GPHN: variants seen among roughly 807,000 people sequenced by gnomAD.
GPHN encodes gephyrin.
A neutral mutation model predicts 95.5 loss-of-function variants in GPHN; 17 were observed. The ratio of observed to expected loss-of-function variants is 0.18; its 90% CI spans 0.12 to 0.27. The LOEUF is 0.27. Ranked by LOEUF, GPHN falls within the 10% of genes least tolerant of loss-of-function variation. The probability of loss-of-function intolerance (pLI) is 1.00; values close to 1 mark genes in which losing one functional copy is unlikely to be tolerated. For synonymous variants in GPHN, 320 were observed against 322.5 expected (o/e 0.99, Z 0.08); for missense variants, 660 against 978.1 (o/e 0.67, Z 4.34).
chr14:67,273,349 A>G, the GPHN span, among the ~76,000 whole-genome samples: 2 of 138,926 alleles, frequency 1.4e-5, no homozygotes, highest in African/African-American at 5.5e-5. Context: ...TTCAATTCCC[A>G]CCTATGAGTG....
the GPHN span, among the ~76,000 whole-genome samples, chr14:67,407,146 G>A: frequency 6.6e-6 from 1 of 151,886 alleles, no homozygotes; most frequent in African/African-American, 2.4e-5. Context: ...TTTTGAGACG[G>A]AGTCTTGCAC....
chr14:66,754,308 T>A (rs539408751), intron 2 of GPHN, among the ~76,000 whole-genome samples: 45 of 152,034 alleles, frequency 3.0e-4, no homozygotes, highest in Non-Finnish European at 5.6e-4. Flanking sequence ...ACTGTGCCAT[T>A]TTACACTCCC....
chr14:66,539,783 C>T (rs190692008), intron 1 of GPHN, among the ~76,000 whole-genome samples: 1 of 152,190 alleles, frequency 6.6e-6, no homozygotes, highest in East Asian at 1.9e-4. Flanking sequence ...CAGTCTCTGT[C>T]CAGAATTTTC....
chr14:67,376,211 A>G, the GPHN span, among the ~76,000 whole-genome samples: 4 of 152,194 alleles, frequency 2.6e-5, no homozygotes, highest in Non-Finnish European at 5.9e-5. Context: ...CAGAGGAGGA[A>G]ACAAGTTCAG....
the GPHN span, among the ~76,000 whole-genome samples, chr14:67,291,616 T>G: frequency 6.6e-6 from 1 of 152,166 alleles, no homozygotes; most frequent in Non-Finnish European, 1.5e-5. Flanking sequence ...AGAATAACGT[T>G]TTCCAGAAAA....
At chr14:66,622,869 C>G (rs530854143) in intron 1 of GPHN, among the ~76,000 whole-genome samples, 2 of 152,172 alleles carry the variant, frequency 1.3e-5, no homozygotes, top group African/African-American at 4.8e-5. Context: ...CCAAACTTTC[C>G]CAGATTTTCC....
At chr14:66,900,724 T>C (rs1596319655) in intron 5 of GPHN, among the ~76,000 whole-genome samples, 1 of 152,150 alleles carries the variant, frequency 6.6e-6, no homozygotes, top group East Asian at 1.9e-4. Flanking sequence ...TAGGATTTCA[T>C]TTTTTAATCA....
At chr14:67,620,164 G>A in the GPHN span, 15 of 1,104,420 alleles carry the variant, frequency 1.4e-5, no homozygotes, top group Non-Finnish European at 1.9e-5. Flanking sequence ...GGTAGGGTGC[G>A]GGGGACCGGG....
chr14:66,612,078 AAT>A (rs1316722270), intron 1 of GPHN, among the ~76,000 whole-genome samples: 1 of 151,992 alleles, frequency 6.6e-6, no homozygotes, highest in African/African-American at 2.4e-5. Flanking sequence ...GCCCAACACC[AAT>A]ATGTGTATTT....
the GPHN span, among the ~76,000 whole-genome samples, chr14:67,341,557 G>A: frequency 4.0e-5 from 6 of 150,630 alleles, no homozygotes; most frequent in African/African-American, 1.5e-4. Context: ...GTCCGGGAGG[G>A]AGGTGGGGGG....
chr14:67,422,269 C>T, the GPHN span, among the ~76,000 whole-genome samples: 166 of 152,270 alleles, frequency 1.1e-3, no homozygotes, highest in African/African-American at 3.6e-3. Context: ...TCACCTTGTC[C>T]TGCCTTGCCT....
At chr14:67,220,755 G>A in the GPHN span, among the ~76,000 whole-genome samples, 4 of 152,030 alleles carry the variant, frequency 2.6e-5, no homozygotes, top group South Asian at 2.1e-4. Flanking sequence ...TCTCAGTCTC[G>A]CTTAACCTTC....
chr14:67,300,379 AT>A, the GPHN span, among the ~76,000 whole-genome samples: 1 of 145,488 alleles, frequency 6.9e-6, no homozygotes, highest in African/African-American at 2.7e-5. Context: ...CCAGGCTGGA[AT>A]GCAGTGGCGC....
intron 2 of GPHN, among the ~76,000 whole-genome samples, chr14:66,706,425 A>G (rs906573786): frequency 2.6e-5 from 4 of 152,202 alleles, no homozygotes; most frequent in Non-Finnish European, 5.9e-5. Flanking sequence ...CTACAAGGCT[A>G]CAATAATCAA....
chr14:66,969,286 C>A (rs770247212), intron 9 of GPHN: 1 of 151,966 alleles, frequency 6.6e-6, no homozygotes, highest in Non-Finnish European at 1.5e-5. Flanking sequence ...CTTTCATTGT[C>A]CTGAGTAAAA....
chr14:67,273,365 A>G, the GPHN span, among the ~76,000 whole-genome samples: 62 of 151,886 alleles, frequency 4.1e-4, 1 homozygote, highest in African/African-American at 1.5e-3. Flanking sequence ...GAGTGAGAAC[A>G]TGCAGTGTTT....
chr14:66,907,531 C>T (rs1298303098), intron 5 of GPHN, among the ~76,000 whole-genome samples: 1 of 152,090 alleles, frequency 6.6e-6, no homozygotes, highest in Non-Finnish European at 1.5e-5. Flanking sequence ...TGTCAAAACT[C>T]ATAGAACTTT....
chr14:67,174,965 T>C (rs1046143521), intron 21 of GPHN, among the ~76,000 whole-genome samples: 2 of 152,234 alleles, frequency 1.3e-5, no homozygotes, highest in Non-Finnish European at 2.9e-5. Context: ...TCTTTGTAGA[T>C]TCTGGATATT....
chr14:66,794,526 A>G (rs1293527037), intron 3 of GPHN, among the ~76,000 whole-genome samples: 5 of 152,226 alleles, frequency 3.3e-5, no homozygotes, highest in African/African-American at 1.2e-4. Context: ...AACAAACCAA[A>G]GAAAAATAAA....
Sources: gnomAD v4.1 joint callset for allele counts (sites outside exome capture counted in the v4.1 genomes callset) on GRCh38, gnomAD v4.1.1 for gene constraint, MANE v1.5 for transcripts, NCBI Gene and HGNC (gene_info 2026-07-23, HGNC 2026-07-21) for gene names.